The following TANC2 variants were observed in gnomAD, a reference collection of about 807,000 sequenced individuals.
The protein encoded by TANC2 is tetratricopeptide repeat, ankyrin repeat and coiled-coil containing 2.
A neutral mutation model predicts 210.5 loss-of-function variants in TANC2; 26 were observed. That is an observed-to-expected ratio of 0.12 (90% CI 0.09 to 0.17). The LOEUF is 0.17. Ranked by LOEUF, TANC2 falls within the 10% of genes least tolerant of loss-of-function variation. The pLI is 1.00. For missense variants in TANC2, 2,129 were observed against 2,608.9 expected (o/e 0.82, Z 4.01); for synonymous variants, 931 against 967.1 (o/e 0.96, Z 0.69).
At chr17:63,160,355 C>A in intron 5 of TANC2, among the ~76,000 whole-genome samples, 1 of 152,086 alleles carries the variant, frequency 6.6e-6, no homozygotes, top group Non-Finnish European at 1.5e-5. Context: ...GTCTTGGCAA[C>A]ATAGTGAGAC....
chr17:63,329,181 TTTA>T (rs1300274189), intron 11 of TANC2, among the ~76,000 whole-genome samples: 2 of 151,948 alleles, frequency 1.3e-5, no homozygotes, highest in Admixed American at 6.6e-5. Context: ...GCATGATAGA[TTTA>T]TTATTTTTTT....
chr17:63,292,260 C>T (rs1330808926), intron 9 of TANC2, among the ~76,000 whole-genome samples: 1 of 151,768 alleles, frequency 6.6e-6, no homozygotes, highest in Non-Finnish European at 1.5e-5. Flanking sequence ...CTAGGATTGG[C>T]AGTATTTTAA....
intron 5 of TANC2, among the ~76,000 whole-genome samples, chr17:63,162,041 A>C (rs551882073): frequency 6.6e-6 from 1 of 152,310 alleles, no homozygotes; most frequent in East Asian, 1.9e-4. Context: ...GCGGTGGCTC[A>C]TGCTTGTAAT....
chr17:63,355,529 G>C, intron 14 of TANC2, 139 bp downstream of exon 14: 2 of 972,540 alleles, frequency 2.1e-6, no homozygotes, highest in Non-Finnish European at 2.9e-6. Context: ...CTCAAGGCAA[G>C]GCTATAATGA....
At chr17:63,119,098 T>A (rs1031701566) in intron 4 of TANC2, among the ~76,000 whole-genome samples, 7 of 152,018 alleles carry the variant, frequency 4.6e-5, no homozygotes, top group African/African-American at 1.2e-4. Flanking sequence ...CTAATTTTTT[T>A]AAAACATTTT....
At chr17:63,177,316 G>C (rs1208708741) in intron 5 of TANC2, among the ~76,000 whole-genome samples, 3 of 149,578 alleles carry the variant, frequency 2.0e-5, no homozygotes, top group Non-Finnish European at 3.0e-5. Context: ...ATGTTATATA[G>C]GTAATAGTTT....
chr17:63,301,575 T>A (rs2044714715), intron 9 of TANC2, among the ~76,000 whole-genome samples: 1 of 152,254 alleles, frequency 6.6e-6, no homozygotes, highest in Admixed American at 6.5e-5. Flanking sequence ...TAGAGGTGTT[T>A]ATACTATTCT....
chr17:63,421,062 A>G lies in TANC2; in HGVS notation c.5332A>G (p.Lys1778Glu). Reference sequence around the variant, plus strand: ...CATCTGTCAGCATGGAGGATTGACCAAAGAGGATCTTCCACAGCGACCTTC... The same window carrying G: ...CATCTGTCAGCATGGAGGATTGACCGAAGAGGATCTTCCACAGCGACCTTC... The change falls in exon 28 of 28, where the codon AAA becomes GAA. Residue 1778 changes from lysine to glutamate, a missense_variant. Coordinates refer to ENST00000689528, the Ensembl canonical transcript of TANC2. This position sits in a 1 kb window ranked among gnomAD's most constrained non-coding sequence, Gnocchi z 6.9. The G allele has an allele frequency of 6.2e-7, 1 of 1,613,960 alleles. No homozygotes were observed. The highest frequency in any genetic ancestry group is 8.5e-7 in the Non-Finnish European group (1 of 1,179,854).
intron 11 of TANC2, among the ~76,000 whole-genome samples, chr17:63,326,728 AAAC>A (rs371073434): frequency 7.9e-5 from 12 of 151,902 alleles, no homozygotes; most frequent in East Asian, 3.9e-4. Context: ...AGACTGTCAA[AAAC>A]AACAACAACA....
At chr17:63,113,222 T>G (rs905300154) in intron 4 of TANC2, among the ~76,000 whole-genome samples, 2 of 152,212 alleles carry the variant, frequency 1.3e-5, no homozygotes, top group African/African-American at 4.8e-5. Context: ...ATGTTCACAT[T>G]ATAACAACAG....
At chr17:63,351,673 T>A (rs2046614325) in intron 13 of TANC2, among the ~76,000 whole-genome samples, 1 of 152,162 alleles carries the variant, frequency 6.6e-6, no homozygotes, top group African/African-American at 2.4e-5. Context: ...GAAAAGAAAG[T>A]CAATTTTTCT....
chr17:63,088,092 G>A (rs2037044940), intron 3 of TANC2: 1 of 152,044 alleles, frequency 6.6e-6, no homozygotes, highest in Non-Finnish European at 1.5e-5. Context: ...ATCTTTCCTG[G>A]AATTGGAACC....
rs548446625 is a variant in TANC2 at position 63,182,208 on chromosome 17, C to CA, written c.434-11782dup. The CA allele has an allele frequency of 6.8e-4, 114 of 167,994 alleles. No homozygotes were observed. In the South Asian group the frequency reaches 7.1e-3, roughly 10 times the overall value. The allele number at this position is 167,994 out of a possible 1,614,324, so 10.4% of individuals were successfully genotyped here. A position where few individuals can be genotyped will look rare whatever the true frequency, so the allele number is the denominator to read the frequency against. ...AGTTCTAGGCATGTAGAGACATGCCCACCTGGCTCCCCCCGCTCCAAGGTT... is the reference window on the plus strand; with the variant it reads ...AGTTCTAGGCATGTAGAGACATGCCCAACCTGGCTCCCCCCGCTCCAAGGTT... On this transcript the variant is annotated intron_variant, in intron 5 of 27. Coordinates refer to ENST00000689528, the Ensembl canonical transcript of TANC2.
chr17:63,366,205 G>A (rs1006480018), intron 14 of TANC2, among the ~76,000 whole-genome samples: 7 of 152,210 alleles, frequency 4.6e-5, no homozygotes, highest in South Asian at 2.1e-4. Context: ...GCCATGCCTC[G>A]GGAGTTAAGT....
intron 2 of TANC2, among the ~76,000 whole-genome samples, chr17:63,063,876 G>T (rs1389619319): frequency 6.6e-6 from 1 of 151,942 alleles, no homozygotes; most frequent in Non-Finnish European, 1.5e-5. Flanking sequence ...TTTTTTGATG[G>T]CCCAGAGTTC....
chr17:63,316,849 G>C (rs1444735330), intron 10 of TANC2, among the ~76,000 whole-genome samples: 2 of 152,046 alleles, frequency 1.3e-5, no homozygotes, highest in Non-Finnish European at 2.9e-5. Flanking sequence ...ATATGAACTG[G>C]TGTTGAATAT....
At chr17:63,009,245 A>C (rs571391527) in intron 1 of TANC2, among the ~76,000 whole-genome samples, 128 of 151,900 alleles carry the variant, frequency 8.4e-4, no homozygotes, top group African/African-American at 3.0e-3. Context: ...TGAATAGACA[A>C]GTTTTCTTTT....
intron 7 of TANC2, among the ~76,000 whole-genome samples, chr17:63,213,678 G>A (rs1368192056): frequency 6.6e-6 from 1 of 152,096 alleles, no homozygotes; most frequent in Non-Finnish European, 1.5e-5. Flanking sequence ...ATTGGGGAAG[G>A]TGCAACATTG....
chr17:63,374,955 T>C (rs1478187367), intron 14 of TANC2, among the ~76,000 whole-genome samples: 4 of 151,912 alleles, frequency 2.6e-5, no homozygotes, highest in African/African-American at 9.7e-5. Context: ...AGAGAAAATA[T>C]AGGAGAGGGG....
Sources: allele counts gnomAD v4.1 joint callset (sites outside exome capture counted in the v4.1 genomes callset), GRCh38; gene constraint gnomAD v4.1.1; non-coding constraint Gnocchi (gnomAD v3.1); transcripts MANE v1.5; gene names NCBI Gene and HGNC (gene_info 2026-07-23, HGNC 2026-07-21).